The following MYO1E variants were observed in gnomAD, a reference collection of about 807,000 sequenced individuals.
MYO1E encodes myosin IE, also known as unconventional myosin-Ie.
Under a neutral mutation model 151.1 loss-of-function variants are expected in MYO1E, and 68 were observed. The ratio of observed to expected loss-of-function variants is 0.45; its 90% CI spans 0.37 to 0.55. The LOEUF is 0.55. MYO1E is among the 20% of genes least tolerant of loss of function. MYO1E has a pLI of 0.00. For missense variants in MYO1E, 1,363 were observed against 1,389.3 expected (o/e 0.98, Z 0.30); for synonymous variants, 601 against 501.7 (o/e 1.20, Z -2.64).
At chr15:59,295,969 G>C (rs1301716563) in intron 1 of MYO1E, among the ~76,000 whole-genome samples, 3 of 152,192 alleles carry the variant, frequency 2.0e-5, no homozygotes, top group Non-Finnish European at 4.4e-5. Context: ...AGAGGGGGCA[G>C]GAGGAGGGAA....
intron 4 of MYO1E, among the ~76,000 whole-genome samples, chr15:59,243,535 G>C (rs1014439224): frequency 1.3e-5 from 2 of 152,190 alleles, no homozygotes; most frequent in Non-Finnish European, 2.9e-5. Flanking sequence ...GCTAGAAAAG[G>C]AGGTGAGAGA....
chr15:59,351,964 C>T (rs566511777), intron 1 of MYO1E, among the ~76,000 whole-genome samples: 1 of 152,304 alleles, frequency 6.6e-6, no homozygotes, highest in Admixed American at 6.5e-5. Flanking sequence ...TCTCTTTCTT[C>T]CTCTCTGGCC....
chr15:59,355,457 G>A (rs1171391415), intron 1 of MYO1E, among the ~76,000 whole-genome samples: 1 of 152,088 alleles, frequency 6.6e-6, no homozygotes, highest in Non-Finnish European at 1.5e-5. Flanking sequence ...TAGAGCTTAG[G>A]ATACTTCACC....
At chr15:59,216,578 ATGTG>A (rs10569521) in intron 10 of MYO1E, among the ~76,000 whole-genome samples, 21 of 109,462 alleles carry the variant, frequency 1.9e-4, no homozygotes, top group African/African-American at 4.1e-4. Flanking sequence ...ATAAGAGTTT[ATGTG>A]TGTGTGTGTG....
chr15:59,336,497 G>A (rs1339235316), intron 1 of MYO1E, among the ~76,000 whole-genome samples: 1 of 152,102 alleles, frequency 6.6e-6, no homozygotes, highest in Non-Finnish European at 1.5e-5. Context: ...TTAAAATTAT[G>A]TGTTTTTAAT....
chr15:59,166,177 C>A (rs2140313004), intron 22 of MYO1E, among the ~76,000 whole-genome samples: 3 of 152,378 alleles, frequency 2.0e-5, no homozygotes, highest in Admixed American at 2.0e-4. Flanking sequence ...ATGATCCAGG[C>A]ATTGGAGCTA....
At chr15:59,366,986 C>T (rs8032125) in intron 1 of MYO1E, among the ~76,000 whole-genome samples, 2,840 of 104,576 alleles carry the variant, frequency 0.027, 45 homozygotes, top group Middle Eastern at 0.082. Context: ...ACACAAGTTG[C>T]TGCATTTTCG....
At chr15:59,225,180 T>TA (rs1462427447) in intron 7 of MYO1E, among the ~76,000 whole-genome samples, 1 of 152,212 alleles carries the variant, frequency 6.6e-6, no homozygotes, top group Non-Finnish European at 1.5e-5. Context: ...GGGTGCATGT[T>TA]AAAAAACTGC....
intron 19 of MYO1E, among the ~76,000 whole-genome samples, chr15:59,174,948 G>A (rs2079616164): frequency 6.6e-6 from 1 of 152,144 alleles, no homozygotes; most frequent in Non-Finnish European, 1.5e-5. Flanking sequence ...AATGCTGACA[G>A]CTGCGCCTCA....
In MYO1E at chr15:59,163,287, T is replaced by C; in HGVS notation, c.2497A>G (p.Ile833Val). Residue 833 changes from isoleucine to valine, a missense_variant, in exon 23 of 28, where the codon ATT becomes GTT. Ile to Val is a conservative substitution (Grantham distance 29, BLOSUM62 3). Transcript: ENST00000288235. ...SVSLSTMQDDIFILHEQEYDS... is the reference protein window; with the variant it reads ...SVSLSTMQDDVFILHEQEYDS... ...TACTCTTGCTCATGGAGAATAAAAA[T>C]GTCATCCTGCATAGTACTGTAAAGA... 1 of 1,613,734 alleles carries C rather than the reference T, an allele frequency of 6.2e-7. No homozygotes were observed. Among genetic ancestry groups the C allele is most frequent in the South Asian group, 1.1e-5 (1 of 91,072 alleles).
At chr15:59,207,098 T>C (rs1392377280) in intron 14 of MYO1E, 2 of 1,614,112 alleles carry the variant, frequency 1.2e-6, no homozygotes, top group African/African-American at 2.7e-5. Context: ...ATGGCGACTG[T>C]GAAGAGTGAG....
chr15:59,337,115 T>C (rs2080733854), intron 1 of MYO1E, among the ~76,000 whole-genome samples: 1 of 152,226 alleles, frequency 6.6e-6, no homozygotes, highest in South Asian at 2.1e-4. Context: ...AAAGCACTTC[T>C]ACTTTATTTC....
intron 1 of MYO1E, among the ~76,000 whole-genome samples, chr15:59,273,532 T>G (rs149765605): frequency 6.6e-6 from 1 of 152,202 alleles, no homozygotes. Context: ...GAGTGGAGGT[T>G]AGGCCACTTT....
At chr15:59,328,643 T>C (rs1436965233) in intron 1 of MYO1E, among the ~76,000 whole-genome samples, 2 of 152,186 alleles carry the variant, frequency 1.3e-5, no homozygotes, top group Non-Finnish European at 2.9e-5. Flanking sequence ...CTGATCAGAA[T>C]ACAGATGTTT....
chr15:59,357,426 C>CTT (rs532794951), intron 1 of MYO1E, among the ~76,000 whole-genome samples: 19,215 of 136,942 alleles, frequency 0.14, 1,652 homozygotes, highest in East Asian at 0.28. Context: ...AAGGAGATAA[C>CTT]TTTTTTTTTT....
In MYO1E at chr15:59,136,827, T is replaced by A. The variant is rs2079376169; in HGVS notation, c.*553A>T. On this transcript the variant is annotated 3_prime_UTR_variant, in exon 28 of 28. Coordinates refer to ENST00000288235, the MANE Select transcript of MYO1E (RefSeq NM_004998.4). ...GGCAAAGTGTAAACCAGTGCCCCTC[T>A]GTCGCCCTGGGCTCAGCAGGCCAGC... 2 of 454,386 alleles carry A rather than the reference T, an allele frequency of 4.4e-6. No homozygotes were observed. Among genetic ancestry groups the A allele is most frequent in the Non-Finnish European group, 8.9e-6 (2 of 225,560 alleles). 28.1% of individuals were successfully genotyped at this position (454,386 alleles called of 1,614,324 possible). A position where few individuals can be genotyped will look rare whatever the true frequency, so the allele number is the denominator to read the frequency against.
At chr15:59,337,899 T>C (rs1397352206) in intron 1 of MYO1E, among the ~76,000 whole-genome samples, 1 of 152,238 alleles carries the variant, frequency 6.6e-6, no homozygotes, top group Non-Finnish European at 1.5e-5. Flanking sequence ...CTTAGATATA[T>C]CTTTACTCAA....
At chr15:59,223,273 C>A (rs1158846454) in intron 8 of MYO1E, 82 bp from the exon 9 acceptor site, 30 of 1,542,618 alleles carry the variant, frequency 1.9e-5, no homozygotes, top group Non-Finnish European at 2.6e-5. Flanking sequence ...GGCACAGCAG[C>A]TGCTCTAAAT....
chr15:59,346,945 G>A (rs1231003919), intron 1 of MYO1E, among the ~76,000 whole-genome samples: 5 of 151,144 alleles, frequency 3.3e-5, no homozygotes, highest in Admixed American at 2.6e-4. Flanking sequence ...AAAAGTGAAA[G>A]AATTGTGTAA....
Sources: allele counts gnomAD v4.1 joint callset (sites outside exome capture counted in the v4.1 genomes callset), GRCh38; gene constraint gnomAD v4.1.1; transcripts MANE v1.5; gene names NCBI Gene and HGNC (gene_info 2026-07-23, HGNC 2026-07-21).